THRA: variants seen among roughly 807,000 people sequenced by gnomAD.
THRA encodes the protein EAR-7.
Under a neutral mutation model 45.0 loss-of-function variants are expected in THRA, and 13 were observed. The ratio of observed to expected loss-of-function variants is 0.29; its 90% CI spans 0.19 to 0.46. The LOEUF (loss-of-function observed/expected upper bound fraction) is 0.46, where lower values mean the gene tolerates loss of function less well. Ranked by LOEUF, THRA falls within the 20% of genes least tolerant of loss-of-function variation. The pLI, the probability that THRA is intolerant of heterozygous loss-of-function variation, is 1.00. For synonymous variants in THRA, 195 were observed against 214.0 expected (o/e 0.91, Z 0.78); for missense variants, 278 against 556.1 (o/e 0.50, Z 5.03).
chr17:40,063,602 A>G lies in THRA; in HGVS notation c.-298+510A>G, dbSNP rs540186320. Among the ~76,000 whole-genome samples the G allele has an allele frequency of 1.5e-4, 23 of 152,216 alleles. No homozygotes were observed. In the South Asian group the frequency reaches 4.3e-3, roughly 29 times the overall value. ...GCTTGCACGGGTCCGGGGAGAGGGA[A>G]GTTCCCCCGCCTCACCCGCCTCCCG... On this transcript the variant is annotated intron_variant, in intron 1 of 8. Coordinates refer to ENST00000450525, the MANE Select transcript of THRA (RefSeq NM_199334.5).
intron 1 of THRA, among the ~76,000 whole-genome samples, chr17:40,065,782 G>C (rs1387182258): frequency 6.8e-6 from 1 of 147,272 alleles, no homozygotes; most frequent in African/African-American, 2.5e-5. Flanking sequence ...AGGGGGGGGG[G>C]GTCAGCCACT....
intron 1 of THRA, among the ~76,000 whole-genome samples, chr17:40,063,438 G>A (rs1200939037): frequency 9.2e-5 from 14 of 151,406 alleles, no homozygotes; most frequent in Non-Finnish European, 1.5e-4. Context: ...GAGCTCCCCC[G>A]CCCGCCGCGC....
chr17:40,065,464 TC>T (rs1986520634), intron 1 of THRA, among the ~76,000 whole-genome samples: 1 of 152,190 alleles, frequency 6.6e-6, no homozygotes, highest in African/African-American at 2.4e-5. Flanking sequence ...TGTTGCTCTG[TC>T]TTGCAGTGTC....
chr17:40,092,356 T>G lies in THRA; in HGVS notation c.*2900T>G. On this transcript the variant is annotated 3_prime_UTR_variant, in exon 9 of 9. Coordinates refer to ENST00000450525, the MANE Select transcript of THRA (RefSeq NM_199334.5). ...GACACTGCCCAGAGGCGCTACTGAA[T>G]GTATGAGAAGCTGGTGCTGGGCTGG... The G allele has an allele frequency of 7.4e-6, 1 of 134,614 alleles. No homozygotes were observed. Among genetic ancestry groups the G allele is most frequent in the African/African-American group, 2.8e-5 (1 of 36,116 alleles). 8.3% of individuals were successfully genotyped at this position (134,614 alleles called of 1,614,324 possible).
Position 40,067,450 on chromosome 17 carries a change from G to C in THRA, c.-298+4358G>C, listed in dbSNP as rs548893162. Among the ~76,000 whole-genome samples the C allele has an allele frequency of 5.3e-5, 8 of 152,334 alleles. 1 individual carries two copies. The Middle Eastern group carries it at 0.01, about 194-fold the overall frequency. Reference sequence around the variant, plus strand: ...ACCAGGACCCAGCTCTGGCTGATAGGCACCAGATTCCCCTGCCCTCCATGG... The same window carrying C: ...ACCAGGACCCAGCTCTGGCTGATAGCCACCAGATTCCCCTGCCCTCCATGG... On this transcript the variant is annotated intron_variant, in intron 1 of 8. Coordinates refer to ENST00000450525, the MANE Select transcript of THRA (RefSeq NM_199334.5).
chr17:40,086,492 C>T (rs1345443418), intron 6 of THRA, among the ~76,000 whole-genome samples: 1 of 152,196 alleles, frequency 6.6e-6, no homozygotes. Context: ...ATAGCTGCTA[C>T]TACTGTTACT....
intron 1 of THRA, among the ~76,000 whole-genome samples, chr17:40,066,248 G>A (rs1986559450): frequency 1.3e-5 from 2 of 152,168 alleles, no homozygotes; most frequent in East Asian, 1.9e-4. Flanking sequence ...AGCACTTCTC[G>A]CTATGCTCCC....
At chr17:40,074,002 T>C (rs1448155474) in intron 1 of THRA, among the ~76,000 whole-genome samples, 190 bp from the exon 2 acceptor site, 1 of 152,034 alleles carries the variant, frequency 6.6e-6, no homozygotes, top group African/African-American at 2.4e-5. Context: ...GCTTAGGAGG[T>C]GGATCTCCAA....
Position 40,092,968 on chromosome 17 carries a change from T to C in THRA, c.*3512T>C, listed in dbSNP as rs917980904. On this transcript the variant is annotated 3_prime_UTR_variant, in exon 9 of 9. Transcript: ENST00000450525. ...GCCAGAGGCTCATCTTGGAATATTT[T>C]ATAACAATATAAATAAGATTCTGGT... is the stretch of plus-strand genomic sequence containing the variant. The C allele has an allele frequency of 1.9e-6, 3 of 1,582,976 alleles. No individual in the cohort carries two copies. The African/African-American group carries it at 4.1e-5, about 22-fold the overall frequency.
At position 40,091,995 on chromosome 17, in the gene THRA, G is replaced by C; in HGVS notation, c.*2539G>C. On this transcript the variant is annotated 3_prime_UTR_variant, in exon 9 of 9. Transcript: ENST00000450525. ...GGCCCGGGGCACTAGGGCAGGCAGGGTGGAGCAGCAGGTGCAGTATCGGTG... is the reference window on the plus strand; with the variant it reads ...GGCCCGGGGCACTAGGGCAGGCAGGCTGGAGCAGCAGGTGCAGTATCGGTG... The C allele has an allele frequency of 6.5e-6, 1 of 152,834 alleles. No homozygotes were observed. Among genetic ancestry groups the C allele is most frequent in the Non-Finnish European group, 1.5e-5 (1 of 68,510 alleles). 9.5% of individuals were successfully genotyped at this position (152,834 alleles called of 1,614,324 possible). A position where few individuals can be genotyped will look rare whatever the true frequency, so the allele number is the denominator to read the frequency against.
chr17:40,093,819 C>G (rs1001339408), downstream of THRA: 2 of 1,157,268 alleles, frequency 1.7e-6, no homozygotes, highest in African/African-American at 3.0e-5. This position sits in a 1 kb window ranked among gnomAD's most constrained non-coding sequence, Gnocchi z 5.9. Context: ...GTGCCCGGTG[C>G]AGGGCCTGGC....
At chr17:40,093,815 G>T, downstream of THRA, 1 of 1,093,402 alleles carries the variant, frequency 9.1e-7, no homozygotes, top group South Asian at 1.3e-5. The surrounding 1 kb of genome is among the most constrained non-coding windows in gnomAD (Gnocchi z 5.9). Flanking sequence ...CCCAGTGCCC[G>T]GTGCAGGGCC....
At chr17:40,062,926 G>C (rs1413587401), upstream of THRA, 1 of 150,048 alleles carries the variant, frequency 6.7e-6, no homozygotes, top group East Asian at 2.0e-4. Context: ...CGGAGGAGCC[G>C]CGGGGCCGCC....
At chr17:40,087,915 C>T (rs1987389646) in intron 7 of THRA, among the ~76,000 whole-genome samples, 4 of 152,156 alleles carry the variant, frequency 2.6e-5, no homozygotes, top group South Asian at 4.1e-4. Flanking sequence ...TGTGCCACCA[C>T]GCCCAACTAA....
chr17:40,070,878 T>C (rs1986751008), intron 1 of THRA, among the ~76,000 whole-genome samples: 1 of 147,876 alleles, frequency 6.8e-6, no homozygotes, highest in East Asian at 2.1e-4. Context: ...CACCCATCTT[T>C]CTTTGTTACC....
chr17:40,076,044 T>C (rs1233510172), intron 2 of THRA, among the ~76,000 whole-genome samples: 1 of 152,218 alleles, frequency 6.6e-6, no homozygotes, highest in Non-Finnish European at 1.5e-5. Context: ...ATGTAACCTG[T>C]GTGCACCGAG....
At chr17:40,087,094 A>G in intron 7 of THRA, 1 of 535,278 alleles carries the variant, frequency 1.9e-6, no homozygotes, top group South Asian at 2.1e-5. Context: ...ATACGTACAC[A>G]GACACACATA....
At chr17:40,079,982 T>C (rs1382590651) in intron 4 of THRA, among the ~76,000 whole-genome samples, 1 of 151,822 alleles carries the variant, frequency 6.6e-6, no homozygotes, top group African/African-American at 2.4e-5. Context: ...CAGGAGAATC[T>C]CTTGAACTTG....
intron 7 of THRA, among the ~76,000 whole-genome samples, chr17:40,087,335 A>T (rs1424617821): frequency 7.1e-6 from 1 of 140,238 alleles, no homozygotes; most frequent in East Asian, 2.2e-4. Flanking sequence ...AGACATATAC[A>T]CCTAGCACAC....
Sources: allele counts gnomAD v4.1 joint callset (sites outside exome capture counted in the v4.1 genomes callset), GRCh38; gene constraint gnomAD v4.1.1; non-coding constraint Gnocchi (gnomAD v3.1); transcripts MANE v1.5; gene names NCBI Gene and HGNC (gene_info 2026-07-23, HGNC 2026-07-21).